Variants in TMTC2 observed in about 807,000 individuals in gnomAD.
TMTC2 encodes transmembrane O-mannosyltransferase targeting cadherins 2.
A neutral mutation model predicts 82.4 loss-of-function variants in TMTC2; 43 were observed. That is an observed-to-expected ratio of 0.52 (90% confidence interval 0.41 to 0.67). The LOEUF (loss-of-function observed/expected upper bound fraction) is 0.67, where lower values mean the gene tolerates loss of function less well. Ranked by LOEUF, TMTC2 falls within the 30% of genes least tolerant of loss-of-function variation. The probability of loss-of-function intolerance (pLI) is 0.00; values close to 1 mark genes in which losing one functional copy is unlikely to be tolerated. For synonymous variants in TMTC2, 408 were observed against 381.9 expected, an observed-to-expected ratio of 1.07 and a Z score of -0.80; for missense variants, 919 against 1,012.4, an observed-to-expected ratio of 0.91 and a Z score of 1.25.
At chr12:82,753,523 T>A (rs1458620357) in intron 1 of TMTC2, among the ~76,000 whole-genome samples, 3 of 152,216 alleles carry the variant, frequency 2.0e-5, no homozygotes, top group Admixed American at 2.0e-4. Context: ...ATGTATTGGG[T>A]GGCTTAATGG....
intron 1 of TMTC2, among the ~76,000 whole-genome samples, chr12:82,826,459 C>G (rs1480167070): frequency 6.6e-6 from 1 of 151,968 alleles, no homozygotes; most frequent in South Asian, 2.1e-4. Context: ...TTTTCTTGTT[C>G]CCTGCTAAGT....
chr12:82,808,519 T>C (rs1879343290), intron 1 of TMTC2, among the ~76,000 whole-genome samples: 1 of 152,098 alleles, frequency 6.6e-6, no homozygotes, highest in African/African-American at 2.4e-5. Context: ...GAAACTGAGC[T>C]GAAACATTAA....
At chr12:82,836,838 CAA>C (rs1190792199) in intron 1 of TMTC2, among the ~76,000 whole-genome samples, 1 of 151,172 alleles carries the variant, frequency 6.6e-6, no homozygotes, top group Admixed American at 6.6e-5. Context: ...AAAAAAAAAA[CAA>C]AAGACAATTT....
intron 1 of TMTC2, among the ~76,000 whole-genome samples, chr12:82,743,522 A>C (rs546652515): frequency 2.0e-4 from 30 of 151,986 alleles, no homozygotes; most frequent in African/African-American, 7.2e-4. Flanking sequence ...GTACTCAATA[A>C]ATAATTTATT....
At chr12:83,011,434 G>T (rs1472791528) in intron 8 of TMTC2, among the ~76,000 whole-genome samples, 1 of 152,126 alleles carries the variant, frequency 6.6e-6, no homozygotes, top group African/African-American at 2.4e-5. Flanking sequence ...ACAATGTCTG[G>T]TCAACATATT....
chr12:82,930,569 T>G (rs760048692), intron 4 of TMTC2, 24 bp downstream of exon 4: 1 of 1,511,114 alleles, frequency 6.6e-7, no homozygotes. Context: ...GCTTCTCTGG[T>G]TTGGTTCGTC....
At chr12:82,722,286 G>C (rs188488684) in intron 1 of TMTC2, among the ~76,000 whole-genome samples, 28 of 151,902 alleles carry the variant, frequency 1.8e-4, no homozygotes, top group Admixed American at 1.8e-3. Context: ...TGGGCGCGGT[G>C]GCTCACTCCT....
intron 1 of TMTC2, among the ~76,000 whole-genome samples, chr12:82,811,794 C>T (rs1232948108): frequency 6.9e-6 from 1 of 144,692 alleles, no homozygotes; most frequent in African/African-American, 2.5e-5. Flanking sequence ...GTTTTCTTTT[C>T]CATGCTCTCC....
intron 11 of TMTC2, among the ~76,000 whole-genome samples, chr12:83,065,511 A>T (rs182950085): frequency 6.6e-6 from 1 of 152,094 alleles, no homozygotes; most frequent in East Asian, 1.9e-4. Flanking sequence ...ACCATTTTAA[A>T]ATTTTATTTA....
chr12:82,865,800 T>C (rs1351538273), intron 2 of TMTC2, among the ~76,000 whole-genome samples: 4 of 152,124 alleles, frequency 2.6e-5, no homozygotes, highest in Non-Finnish European at 5.9e-5. Flanking sequence ...ACAGAAATTA[T>C]AACAAACTGT....
intron 1 of TMTC2, among the ~76,000 whole-genome samples, chr12:82,745,683 G>C (rs1333368004): frequency 2.6e-5 from 4 of 152,128 alleles, no homozygotes; most frequent in Admixed American, 6.5e-5. Flanking sequence ...CTTTATGCAG[G>C]TGTCACATCA....
At chr12:83,033,001 T>C (rs1280122901) in intron 9 of TMTC2, among the ~76,000 whole-genome samples, 4 of 152,226 alleles carry the variant, frequency 2.6e-5, no homozygotes, top group Non-Finnish European at 4.4e-5. Flanking sequence ...AAGTATTTTA[T>C]TTTCTAAAGG....
chr12:83,129,641 T>C (rs978925244), intron 11 of TMTC2, among the ~76,000 whole-genome samples: 1 of 152,190 alleles, frequency 6.6e-6, no homozygotes, highest in African/African-American at 2.4e-5. Context: ...GCTAGAAAGC[T>C]AGTAAACATG....
At chr12:82,937,795 T>TACACAC in intron 4 of TMTC2, among the ~76,000 whole-genome samples, 1 of 29,538 alleles carries the variant, frequency 3.4e-5, no homozygotes, top group African/African-American at 8.4e-5. Context: ...TATATATATA[T>TACACAC]ACACACATAT....
intron 9 of TMTC2, among the ~76,000 whole-genome samples, chr12:83,040,141 T>C (rs1881833511): frequency 6.6e-6 from 1 of 152,206 alleles, no homozygotes; most frequent in Admixed American, 6.5e-5. Flanking sequence ...GGATATAAGA[T>C]TTAAGGTTCC....
intron 10 of TMTC2, among the ~76,000 whole-genome samples, chr12:83,056,948 A>T (rs1489762655): frequency 6.6e-6 from 1 of 151,800 alleles, no homozygotes; most frequent in African/African-American, 2.4e-5. Flanking sequence ...AGTACTTGTG[A>T]TTTTACGCTT....
At chr12:83,029,147 T>C (rs1164869566) in intron 8 of TMTC2, among the ~76,000 whole-genome samples, 1 of 152,134 alleles carries the variant, frequency 6.6e-6, no homozygotes, top group East Asian at 1.9e-4. Context: ...TTGTTTTTAA[T>C]GACGGAATGA....
At chr12:82,990,796 A>C (rs1251728270) in intron 8 of TMTC2, among the ~76,000 whole-genome samples, 1 of 151,902 alleles carries the variant, frequency 6.6e-6, no homozygotes, top group African/African-American at 2.4e-5. Flanking sequence ...TGGCTTTTAA[A>C]TGTTTTTGTT....
At chr12:82,740,499 C>G (rs950701515) in intron 1 of TMTC2, among the ~76,000 whole-genome samples, 1 of 152,132 alleles carries the variant, frequency 6.6e-6, no homozygotes, top group Admixed American at 6.6e-5. Context: ...CAGGGAAGGT[C>G]TGTGTGTGTT....
Sources: allele counts gnomAD v4.1 joint callset (sites outside exome capture counted in the v4.1 genomes callset), GRCh38; gene constraint gnomAD v4.1.1; transcripts MANE v1.5; gene names NCBI Gene and HGNC (gene_info 2026-07-23, HGNC 2026-07-21).